TCOF1: variants seen among roughly 807,000 people sequenced by gnomAD.
TCOF1 encodes treacle protein.
In TCOF1, 33 loss-of-function variants were observed where a neutral mutation model predicts 149.0. The ratio of observed to expected loss-of-function variants is 0.22; its 90% CI spans 0.17 to 0.30. The LOEUF is 0.30. Ranked by LOEUF, TCOF1 falls within the 10% of genes least tolerant of loss-of-function variation. The pLI is 1.00. For synonymous variants in TCOF1, 789 were observed against 738.8 expected (o/e 1.07, Z -1.10); for missense variants, 1,728 against 1,840.7 (o/e 0.94, Z 1.12).
intron 22 of TCOF1, 76 bp downstream of exon 22, chr5:150,392,866 C>G (rs554403344): frequency 2.8e-5 from 43 of 1,531,818 alleles, no homozygotes; most frequent in Non-Finnish European, 3.4e-5. Flanking sequence ...TCTACCCGAT[C>G]CCTCAGGTCA....
At chr5:150,366,687 G>A (rs1473532955) in intron 3 of TCOF1, among the ~76,000 whole-genome samples, 1 of 17,096 alleles carries the variant, frequency 5.8e-5, no homozygotes, top group African/African-American at 6.2e-4. Context: ...TCGCTCTGTC[G>A]CCCAGGTCGG....
At chr5:150,398,262 G>A in intron 24 of TCOF1, 92 bp from the exon 25 acceptor site, 1 of 1,591,726 alleles carries the variant, frequency 6.3e-7, no homozygotes, top group Non-Finnish European at 8.5e-7. Context: ...TGTGGGGAAA[G>A]CTGGGAGCCC....
At chr5:150,388,804 G>A (rs567204072) in intron 18 of TCOF1, among the ~76,000 whole-genome samples, 4 of 151,820 alleles carry the variant, frequency 2.6e-5, no homozygotes, top group African/African-American at 9.7e-5. Flanking sequence ...CCTGGCGGGC[G>A]CCTGTAATCC....
At chr5:150,383,660 C>G in intron 17 of TCOF1, 1 of 1,444,546 alleles carries the variant, frequency 6.9e-7, no homozygotes, top group South Asian at 1.2e-5. Context: ...TCCCCAAATT[C>G]TCATGATTCA....
chr5:150,358,673 C>G (rs1197619734), intron 1 of TCOF1, among the ~76,000 whole-genome samples: 2 of 152,012 alleles, frequency 1.3e-5, no homozygotes, highest in African/African-American at 4.8e-5. Context: ...ACCGTTTCTA[C>G]TAAAAATACA....
rs1362763073 is a variant in TCOF1 at position 150,357,966 on chromosome 5, G to C, written c.108+112G>C. On this transcript the variant is annotated intron_variant, in intron 1 of 26. Transcript: ENST00000643257. ...CGGCAGGCGCCCGGAGCCGGGTCCC[G>C]CAGTGCTCGACGGCGCGGCCAGGGG... 3.5e-6 allele frequency: 4 copies of C among 1,128,212 alleles called. No homozygotes were observed. The East Asian group carries it at 1.1e-4, about 30-fold the overall frequency. 69.9% of individuals were successfully genotyped at this position (1,128,212 alleles called of 1,614,324 possible).
intron 8 of TCOF1, 82 bp from the exon 9 acceptor site, chr5:150,374,535 T>C (rs1763270434): frequency 4.4e-6 from 7 of 1,599,102 alleles, no homozygotes; most frequent in Non-Finnish European, 5.1e-6. Flanking sequence ...TCATTTGCCC[T>C]ATCTGGTCTT....
At chr5:150,374,104 C>G in intron 7 of TCOF1, 70 bp from the exon 8 acceptor site, 2 of 1,523,928 alleles carry the variant, frequency 1.3e-6, no homozygotes, top group Non-Finnish European at 1.8e-6. Flanking sequence ...GGCCTCTGGA[C>G]TTTATCCTAA....
chr5:150,357,919 C>T, intron 1 of TCOF1, 65 bp downstream of exon 1: 3 of 1,510,966 alleles, frequency 2.0e-6, no homozygotes, highest in Non-Finnish European at 2.7e-6. Context: ...GCCCGCGGCC[C>T]GCGCCCCGTC....
At position 150,378,924 on chromosome 5, in the gene TCOF1, A is replaced by C. The variant is rs1293060455; in HGVS notation, c.2360A>C (p.Lys787Thr). The change falls in exon 15 of 27, where the codon AAA becomes ACA. Residue 787 changes from lysine (K) to threonine (T), a missense_variant. This residue lies in a region of TCOF1 where 1,696 missense variants were observed against 1,765.4 expected (regional missense o/e 0.96). Transcript: ENST00000643257. Reference protein sequence around the residue: ...SPAQVKTSVKKTQAKANPAAA... With the variant: ...SPAQVKTSVKTTQAKANPAAA... The stretch of plus-strand genomic sequence containing the variant: ...ACTCAGGTGAAAACCTCAGTAAAGA[A>C]AACCCAGGCCAAAGCCAACCCAGCT... 6.2e-7 allele frequency: 1 copy of C among 1,614,134 alleles called. No individual in the cohort carries two copies. Among genetic ancestry groups the C allele is most frequent in the East Asian group, 2.2e-5 (1 of 44,876 alleles).
chr5:150,368,664 T>G, intron 4 of TCOF1, 52 bp from the exon 5 acceptor site: 2 of 1,606,902 alleles, frequency 1.2e-6, no homozygotes, highest in Admixed American at 3.3e-5. Context: ...TGGCCTGTGC[T>G]CTTAGTTCAC....
chr5:150,388,134 C>A, intron 18 of TCOF1, 46 bp downstream of exon 18: 1 of 1,610,220 alleles, frequency 6.2e-7, no homozygotes. Context: ...GCCAGCACTG[C>A]CCCACATTGA....
intron 20 of TCOF1, 137 bp from the exon 21 acceptor site, chr5:150,391,820 C>A: frequency 8.5e-7 from 1 of 1,170,088 alleles, no homozygotes; most frequent in South Asian, 1.3e-5. Context: ...CAGTACCTTT[C>A]GTAGTTGGAA....
chr5:150,388,828 G>A (rs546384301), intron 18 of TCOF1, among the ~76,000 whole-genome samples: 1 of 152,282 alleles, frequency 6.6e-6, no homozygotes, highest in African/African-American at 2.4e-5. Flanking sequence ...GTACTTGAGA[G>A]GGTAAGCCAC....
At chr5:150,371,525 G>T (rs559521578) in intron 6 of TCOF1, among the ~76,000 whole-genome samples, 1 of 152,342 alleles carries the variant, frequency 6.6e-6, no homozygotes, top group East Asian at 1.9e-4. Context: ...AATTGTGGAA[G>T]TGTAGGAAAG....
At chr5:150,393,108 G>A (rs1767773720) in intron 22 of TCOF1, 1 of 591,144 alleles carries the variant, frequency 1.7e-6, no homozygotes, top group Non-Finnish European at 3.0e-6. Context: ...TGTGGCAAAA[G>A]CTAGTAATTT....
chr5:150,399,434 G>A (rs1401941268), intron 26 of TCOF1, among the ~76,000 whole-genome samples: 2 of 152,098 alleles, frequency 1.3e-5, no homozygotes, highest in Non-Finnish European at 1.5e-5. Context: ...GTAACTTGGG[G>A]GCATTTCCTT....
At chr5:150,370,758 G>T (rs529211335) in intron 6 of TCOF1, among the ~76,000 whole-genome samples, 3 of 152,298 alleles carry the variant, frequency 2.0e-5, no homozygotes, top group Admixed American at 1.3e-4. Context: ...TTTGAGGCCA[G>T]AAGTTTGAAC....
intron 24 of TCOF1, among the ~76,000 whole-genome samples, chr5:150,398,101 T>G (rs1232082212): frequency 6.6e-6 from 1 of 152,174 alleles, no homozygotes; most frequent in Admixed American, 6.5e-5. Flanking sequence ...TTTTGTATTT[T>G]TTGTAGAGAC....
Sources: gnomAD v4.1 joint callset for allele counts (sites outside exome capture counted in the v4.1 genomes callset) on GRCh38, gnomAD v4.1.1 for gene constraint, gnomAD v4.1.1 regional missense constraint, MANE v1.5 for transcripts, NCBI Gene and HGNC (gene_info 2026-07-23, HGNC 2026-07-21) for gene names.